The following CSGALNACT1 variants were observed in gnomAD, a reference collection of about 807,000 sequenced individuals.
The protein encoded by CSGALNACT1 is beta4GalNAcT-1.
A neutral mutation model predicts 51.0 loss-of-function variants in CSGALNACT1; 52 were observed. The ratio of observed to expected loss-of-function variants is 1.02; its 90% confidence interval spans 0.82 to 1.29. The LOEUF (loss-of-function observed/expected upper bound fraction) is 1.29. Ranked by LOEUF, CSGALNACT1 falls within the 50% of genes most tolerant of loss-of-function variation. The pLI, the probability that CSGALNACT1 is intolerant of heterozygous loss-of-function variation, is 0.00. For missense variants in CSGALNACT1, 935 were observed against 679.2 expected, an observed-to-expected ratio of 1.38 and a Z score of -4.19; for synonymous variants, 341 against 254.4, an observed-to-expected ratio of 1.34 and a Z score of -3.24.
intron 3 of CSGALNACT1, among the ~76,000 whole-genome samples, chr8:19,527,867 G>C (rs144254665): frequency 1.1e-4 from 17 of 152,268 alleles, no homozygotes; most frequent in African/African-American, 3.6e-4. Flanking sequence ...GCAAGTCAGA[G>C]AAAAGAAGAG....
At chr8:19,458,811 G>A (rs1341222782) in intron 4 of CSGALNACT1, among the ~76,000 whole-genome samples, 169 bp from the exon 4 acceptor site, 1 of 152,080 alleles carries the variant, frequency 6.6e-6, no homozygotes. Context: ...TCCAAAAGAA[G>A]TCAAAATAGC....
intron 3 of CSGALNACT1, among the ~76,000 whole-genome samples, chr8:19,547,895 A>T (rs1487297166): frequency 6.6e-6 from 1 of 152,166 alleles, no homozygotes; most frequent in East Asian, 1.9e-4. Flanking sequence ...ACCCTGAGGG[A>T]TTTGGGTGTG....
At chr8:19,474,880 A>AAAG (rs1183703772) in intron 4 of CSGALNACT1, among the ~76,000 whole-genome samples, 1 of 150,630 alleles carries the variant, frequency 6.6e-6, no homozygotes, top group Non-Finnish European at 1.5e-5. Flanking sequence ...AAAAAAAAAA[A>AAAG]AAAAAAGAAA....
In CSGALNACT1 at chr8:19,515,088, C is replaced by A. The variant is rs145830597; in HGVS notation, c.-296-8958G>T. On this transcript the variant is annotated intron_variant, in intron 3 of 9. Transcript: ENST00000454498. ...CCCAGTGCCAGGATCATGCCTTGAT[C>A]CCCCATTCCTTCGGGAACCCAGCCT... Among the ~76,000 whole-genome samples the A allele has an allele frequency of 6.0e-3, 907 of 152,114 alleles. 11 individuals are homozygous for A. Among genetic ancestry groups the A allele is most frequent in the African/African-American group, 0.021 (859 of 41,464 alleles).
At chr8:19,519,056 G>A (rs1272617617) in intron 3 of CSGALNACT1, among the ~76,000 whole-genome samples, 1 of 152,150 alleles carries the variant, frequency 6.6e-6, no homozygotes, top group African/African-American at 2.4e-5. Context: ...GGTACCAGCT[G>A]ATGGTTTTAA....
chr8:19,726,000 C>T (rs1042306438), intron 1 of CSGALNACT1, among the ~76,000 whole-genome samples: 9 of 152,150 alleles, frequency 5.9e-5, no homozygotes, highest in African/African-American at 2.2e-4. Context: ...ATTATAGTAT[C>T]ATTCAGAGTA....
rs183468163 is a variant in CSGALNACT1 at position 19,634,139 on chromosome 8, C to G, written c.-543-32274G>C. ...ACCTAAAAGTTAAGTAAACCTAGGA[C>G]ACTTTACGTCATATTTGTTCATTTT... On this transcript the variant is annotated intron_variant, in intron 1 of 9. Coordinates refer to the CSGALNACT1 transcript ENST00000332246. Among the ~76,000 whole-genome samples the G allele has an allele frequency of 2.4e-3, 364 of 152,292 alleles. 1 individual carries two copies. The highest frequency in any genetic ancestry group is 3.6e-3 in the Non-Finnish European group (243 of 68,022).
chr8:19,595,692 CCT>C (rs1189896402), intron 2 of CSGALNACT1, among the ~76,000 whole-genome samples: 1 of 151,776 alleles, frequency 6.6e-6, no homozygotes, highest in Non-Finnish European at 1.5e-5. Flanking sequence ...AAGGCAGGAC[CCT>C]GTTTCAAAAA....
intron 1 of CSGALNACT1, among the ~76,000 whole-genome samples, chr8:19,705,108 G>A (rs1025486583): frequency 2.0e-5 from 3 of 152,186 alleles, no homozygotes; most frequent in Non-Finnish European, 2.9e-5. Flanking sequence ...ACTATGTGAG[G>A]TGATAATTAG....
chr8:19,743,522 C>T (rs2064446997), intron 1 of CSGALNACT1, among the ~76,000 whole-genome samples: 1 of 152,194 alleles, frequency 6.6e-6, no homozygotes, highest in African/African-American at 2.4e-5. Context: ...GCAGCTAAAT[C>T]AGCGATGCGA....
At chr8:19,615,281 G>A (rs1221068636) in intron 1 of CSGALNACT1, among the ~76,000 whole-genome samples, 1 of 152,138 alleles carries the variant, frequency 6.6e-6, no homozygotes, top group Non-Finnish European at 1.5e-5. Flanking sequence ...CCAGCCTGGG[G>A]GACAAAGTGA....
At chr8:19,595,374 G>A (rs2048668621) in intron 2 of CSGALNACT1, among the ~76,000 whole-genome samples, 1 of 152,146 alleles carries the variant, frequency 6.6e-6, no homozygotes, top group African/African-American at 2.4e-5. Context: ...TAACCACAAA[G>A]CACATTTAAA....
chr8:19,567,098 G>A (rs938623732), intron 3 of CSGALNACT1, among the ~76,000 whole-genome samples: 5 of 152,142 alleles, frequency 3.3e-5, no homozygotes, highest in Non-Finnish European at 7.4e-5. Context: ...CACCTTTAGG[G>A]CTAATGGCAA....
intron 3 of CSGALNACT1, among the ~76,000 whole-genome samples, chr8:19,574,275 C>G (rs1414532726): frequency 6.6e-6 from 1 of 152,188 alleles, no homozygotes; most frequent in African/African-American, 2.4e-5. Context: ...TGGAGATTCT[C>G]AGTCCTGGAA....
intron 4 of CSGALNACT1, among the ~76,000 whole-genome samples, chr8:19,471,606 C>G (rs991673878): frequency 3.3e-5 from 5 of 152,086 alleles, no homozygotes; most frequent in African/African-American, 1.2e-4. Flanking sequence ...GGTTCGACGC[C>G]GGTAACTCAG....
chr8:19,742,516 T>C (rs1787126831), intron 1 of CSGALNACT1, among the ~76,000 whole-genome samples: 1 of 152,234 alleles, frequency 6.6e-6, no homozygotes, highest in South Asian at 2.1e-4. Context: ...CGCTGAGACC[T>C]GGTCTGGCCC....
intron 1 of CSGALNACT1, among the ~76,000 whole-genome samples, chr8:19,745,539 C>T (rs1402582906): frequency 1.3e-5 from 2 of 152,214 alleles, no homozygotes; most frequent in African/African-American, 4.8e-5. Flanking sequence ...AAAAGGATTT[C>T]AAACTTTAAT....
chr8:19,699,506 G>A (rs1452864989), intron 1 of CSGALNACT1, among the ~76,000 whole-genome samples: 1 of 152,192 alleles, frequency 6.6e-6, no homozygotes, highest in African/African-American at 2.4e-5. Context: ...GAACCATGAG[G>A]ATCTGATGCT....
At chr8:19,473,427 A>G (rs1235312795) in intron 4 of CSGALNACT1, among the ~76,000 whole-genome samples, 2 of 152,156 alleles carry the variant, frequency 1.3e-5, no homozygotes, top group Non-Finnish European at 2.9e-5. Flanking sequence ...ATCCGCCGTC[A>G]CTAACATGAT....
Sources: gnomAD v4.1 joint callset for allele counts (sites outside exome capture counted in the v4.1 genomes callset) on GRCh38, gnomAD v4.1.1 for gene constraint, MANE v1.5 for transcripts, NCBI Gene and HGNC (gene_info 2026-07-23, HGNC 2026-07-21) for gene names.